The following CALCOCO2 variants were observed in gnomAD, a reference collection of about 807,000 sequenced individuals.
CALCOCO2 encodes the protein calcium-binding and coiled-coil domain-containing protein 2.
CALCOCO2 carries 42 observed loss-of-function variants against 62.5 expected under a neutral mutation model. That is an observed-to-expected ratio of 0.67 (90% confidence interval 0.53 to 0.87). CALCOCO2 has a LOEUF of 0.87. Ranked by LOEUF, CALCOCO2 falls within the 40% of genes least tolerant of loss-of-function variation. The pLI is 0.00. For synonymous variants in CALCOCO2, 167 were observed against 173.0 expected, an observed-to-expected ratio of 0.97 and a Z score of 0.27; for missense variants, 456 against 515.0, an observed-to-expected ratio of 0.89 and a Z score of 1.11.
intron 9 of CALCOCO2, 58 bp downstream of exon 9, chr17:48,853,070 G>A: frequency 1.7e-6 from 2 of 1,153,224 alleles, no homozygotes; most frequent in Non-Finnish European, 2.6e-6. Context: ...TAGAAGAAAA[G>A]GATATGGGCC....
intron 1 of CALCOCO2, among the ~76,000 whole-genome samples, chr17:48,839,005 C>CTT (rs560816686): frequency 0.11 from 15,724 of 145,160 alleles, 1,456 homozygotes; most frequent in African/African-American, 0.26. Flanking sequence ...CACTTTGTTT[C>CTT]TTTTTTTTTT....
At chr17:48,836,848 C>T (rs551579739) in intron 1 of CALCOCO2, among the ~76,000 whole-genome samples, 6 of 151,592 alleles carry the variant, frequency 4.0e-5, no homozygotes, top group South Asian at 2.1e-4. Context: ...CTGCAACCTC[C>T]GCCTCCCAGG....
chr17:48,848,410 A>T lies in CALCOCO2; in HGVS notation c.372A>T (p.Gln124His). The change falls in exon 4 of 13, where the codon CAA becomes CAT. Residue 124 changes from glutamine (Q) to histidine (H), a missense_variant. Gln to His is a conservative substitution (Grantham distance 24). Around this residue, in one of 3 missense-constraint regions of CALCOCO2, gnomAD observed 236 missense variants for 225.3 expected, o/e 1.05. Coordinates refer to ENST00000258947, the MANE Select transcript of CALCOCO2 (RefSeq NM_005831.5). ...TCCGGGGAGCAAGTATTCCTTTCCAATTCCGTCCAGAAAATGAGGAAGACA... is the reference window on the plus strand; with the variant it reads ...TCCGGGGAGCAAGTATTCCTTTCCATTTCCGTCCAGAAAATGAGGAAGACA... ...GVVRGASIPF[Q>H]FRPENEEDIL... 6.2e-7 allele frequency: 1 copy of T among 1,614,014 alleles called. No homozygotes were observed. Among genetic ancestry groups the T allele is most frequent in the Non-Finnish European group, 8.5e-7 (1 of 1,179,902 alleles).
At chr17:48,837,075 G>A (rs2039904322) in intron 1 of CALCOCO2, among the ~76,000 whole-genome samples, 1 of 152,120 alleles carries the variant, frequency 6.6e-6, no homozygotes, top group Non-Finnish European at 1.5e-5. Context: ...AGAACACTCA[G>A]AACACTCTTA....
rs2040357913 is a variant in CALCOCO2, at chr17:48,863,748, G to C, written c.*743G>C. On this transcript the variant is annotated 3_prime_UTR_variant, in exon 13 of 13. Coordinates refer to ENST00000258947, the MANE Select transcript of CALCOCO2 (RefSeq NM_005831.5). ...AGCAACTATGGGTTTGCAGTTTTCT[G>C]AGTAGGTGAGTTTTGAATATGGGTA... 6.6e-6 allele frequency: 1 copy of C among 152,232 alleles called. No homozygotes were observed. The highest frequency in any genetic ancestry group is 1.5e-5 in the Non-Finnish European group (1 of 68,088). The allele number at this position is 152,232 out of a possible 1,614,324, so 9.4% of individuals were successfully genotyped here.
chr17:48,837,607 C>G (rs1367479843), intron 1 of CALCOCO2, among the ~76,000 whole-genome samples: 1 of 151,924 alleles, frequency 6.6e-6, no homozygotes. Context: ...GATACCGCCA[C>G]TGCACTCCAG....
intron 1 of CALCOCO2, among the ~76,000 whole-genome samples, chr17:48,838,323 C>T (rs954019273): frequency 6.6e-6 from 1 of 152,120 alleles, no homozygotes; most frequent in Admixed American, 6.6e-5. Context: ...TCTTTAACTA[C>T]CAGGCCCAGG....
At chr17:48,831,662 T>C (rs2039815178) in intron 1 of CALCOCO2, 3 of 152,234 alleles carry the variant, frequency 2.0e-5, no homozygotes, top group African/African-American at 4.8e-5. Context: ...AGTTAATCCA[T>C]TGCCCCTCCA....
In CALCOCO2 at chr17:48,832,321, A is replaced by G. The variant is rs549952183; in HGVS notation, c.-11+1243A>G. Among the ~76,000 whole-genome samples the G allele has an allele frequency of 9.8e-5, 15 of 152,322 alleles. No homozygotes were observed. In the South Asian group the frequency reaches 2.3e-3, roughly 23 times the overall value. On this transcript the variant is annotated intron_variant, in intron 1 of 12. Transcript: ENST00000258947. ...AGGCAGGAGAATCGCTTGGACCCAG[A>G]CAGCGGAGGGTGCGGTGAGCCGAGA...
chr17:48,861,165 C>T (rs963882167), intron 11 of CALCOCO2, among the ~76,000 whole-genome samples: 1 of 151,834 alleles, frequency 6.6e-6, no homozygotes, highest in African/African-American at 2.4e-5. Flanking sequence ...GTCAGGAGTT[C>T]GAGACAAGCG....
In CALCOCO2 at chr17:48,848,448, C is replaced by T; in HGVS notation, c.410C>T (p.Thr137Ile). The stretch of plus-strand genomic sequence containing the variant: ...AATGAGGAAGACATCCTGGTTGTTA[C>T]CACTCAGGTTTGTAAAACTTCTCAC... Reference protein sequence around the residue: ...PENEEDILVVTTQGEVEEIEQ... With the variant: ...PENEEDILVVITQGEVEEIEQ... Residue 137 changes from threonine to isoleucine, a missense_variant, in exon 4 of 13, where the codon ACC becomes ATC. Physicochemically the swap from Thr to Ile is moderately conservative, Grantham distance 89 (BLOSUM62 -1). Transcript: ENST00000258947. 1 of 1,613,830 alleles carries T rather than the reference C, an allele frequency of 6.2e-7. No homozygotes were observed. The highest frequency in any genetic ancestry group is 1.1e-5 in the South Asian group (1 of 91,070).
intron 2 of CALCOCO2, among the ~76,000 whole-genome samples, chr17:48,845,428 C>A (rs2040038902): frequency 7.6e-6 from 1 of 130,758 alleles, no homozygotes; most frequent in Admixed American, 8.2e-5. Context: ...TGTGTATTGC[C>A]TAATTAAATC....
chr17:48,863,600 A>G lies in CALCOCO2; in HGVS notation c.*595A>G, dbSNP rs182496718. 1 of 155,050 alleles carries G rather than the reference A, an allele frequency of 6.4e-6. No homozygotes were observed. Among genetic ancestry groups the G allele is most frequent in the East Asian group, 1.9e-4 (1 of 5,232 alleles). 9.6% of individuals were successfully genotyped at this position (155,050 alleles called of 1,614,324 possible). On this transcript the variant is annotated 3_prime_UTR_variant, in exon 13 of 13. Transcript: ENST00000258947. ...TACTCCTGAACCTTAGACAGGAAGT[A>G]TTGTTTCAGTCACAGAAAGCTTTTC... is the stretch of plus-strand genomic sequence containing the variant.
chr17:48,832,177 TG>T (rs1165388931), intron 1 of CALCOCO2, among the ~76,000 whole-genome samples: 1 of 152,212 alleles, frequency 6.6e-6, no homozygotes, highest in Non-Finnish European at 1.5e-5. Context: ...CAGAATCACC[TG>T]AGGTCAGGAG....
At chr17:48,836,564 T>C (rs1251184545) in intron 1 of CALCOCO2, among the ~76,000 whole-genome samples, 1 of 152,182 alleles carries the variant, frequency 6.6e-6, no homozygotes, top group Non-Finnish European at 1.5e-5. Context: ...CATTGTGTTA[T>C]GTATACAATG....
intron 1 of CALCOCO2, among the ~76,000 whole-genome samples, chr17:48,839,011 T>G (rs1220681378): frequency 6.6e-6 from 1 of 151,976 alleles, no homozygotes; most frequent in Non-Finnish European, 1.5e-5. Context: ...GTTTCTTTTT[T>G]TTTTTTGAGA....
At chr17:48,860,266 C>T in intron 10 of CALCOCO2, 48 bp from the exon 11 acceptor site, 1 of 1,566,862 alleles carries the variant, frequency 6.4e-7, no homozygotes, top group African/African-American at 1.4e-5. Context: ...TCCTGGTGGC[C>T]ATTCTTGGTA....
In CALCOCO2 at chr17:48,854,982, C is replaced by T. The variant is rs909698535; in HGVS notation, c.913-1110C>T. On this transcript the variant is annotated intron_variant, in intron 9 of 12. Transcript: ENST00000258947. The stretch of plus-strand genomic sequence containing the variant: ...GACTTCACAAACAGATCAGCCAACT[C>T]GGGGCGGCTGCACTGGTAGGTGACA... 5.3e-5 allele frequency among the ~76,000 whole-genome samples: 8 copies of T among 152,090 alleles called. No homozygotes were observed. In the East Asian group the frequency reaches 5.8e-4, roughly 11 times the overall value.
intron 1 of CALCOCO2, among the ~76,000 whole-genome samples, chr17:48,833,983 C>T (rs1281615120): frequency 1.3e-5 from 2 of 151,778 alleles, no homozygotes; most frequent in Non-Finnish European, 1.5e-5. Context: ...CAAAAATTAG[C>T]CAGGCACATG....
Sources: allele counts gnomAD v4.1 joint callset (sites outside exome capture counted in the v4.1 genomes callset), GRCh38; gene constraint gnomAD v4.1.1; regional missense constraint gnomAD v4.1.1; transcripts MANE v1.5; gene names NCBI Gene and HGNC (gene_info 2026-07-23, HGNC 2026-07-21).